MAPKBP1: variants seen among roughly 807,000 people sequenced by gnomAD.
The protein encoded by MAPKBP1 is mitogen-activated protein kinase-binding protein 1.
In MAPKBP1, 71 loss-of-function variants were observed where a neutral mutation model predicts 170.5. That is an observed-to-expected ratio of 0.42 (90% confidence interval 0.34 to 0.51). MAPKBP1 has a LOEUF of 0.51. MAPKBP1 is among the 20% of genes least tolerant of loss of function. The pLI is 0.06. For synonymous variants in MAPKBP1, 719 were observed against 757.9 expected (o/e 0.95, Z 0.84); for missense variants, 1,598 against 1,933.0 (o/e 0.83, Z 3.25).
chr15:41,811,003 C>A, intron 4 of MAPKBP1, 58 bp downstream of exon 4: 1 of 1,593,818 alleles, frequency 6.3e-7, no homozygotes, highest in Non-Finnish European at 8.6e-7. Flanking sequence ...GAGAAGGGCA[C>A]TGTCTAGAGT....
chr15:41,818,661 T>C lies in MAPKBP1; in HGVS notation c.2156+79T>C. The C allele has an allele frequency of 6.6e-7, 1 of 1,514,552 alleles. No homozygotes were observed. The highest frequency in any genetic ancestry group is 2.3e-5 in the East Asian group (1 of 43,804). The allele number at this position is 1,514,552 out of a possible 1,614,324, so 93.8% of individuals were successfully genotyped here. On this transcript the variant is annotated intron_variant, in intron 19 of 30. Transcript: ENST00000457542. The surrounding 1 kb of genome is among the most constrained non-coding windows in gnomAD (Gnocchi z 5.2). ...CTGCCCTCCCCTCTCTCCATTTCAG[T>C]GATGTCTCTGGGAAGTGGGGTTAAC... is the stretch of plus-strand genomic sequence containing the variant.
chr15:41,807,759 T>G (rs979219456), intron 3 of MAPKBP1, among the ~76,000 whole-genome samples: 1 of 152,158 alleles, frequency 6.6e-6, no homozygotes, highest in African/African-American at 2.4e-5. Context: ...TAAATTTGGC[T>G]GGGCACAGTG....
intron 2 of MAPKBP1, among the ~76,000 whole-genome samples, chr15:41,775,714 A>G (rs1281316020): frequency 6.6e-6 from 1 of 152,252 alleles, no homozygotes; most frequent in African/African-American, 2.4e-5. Flanking sequence ...AGAGGACAGT[A>G]GGAACACATA....
chr15:41,818,128 G>C lies in MAPKBP1; in HGVS notation c.1980+44G>C. ...TACTGGACAGGGGCTCGGGGACAGAGTGGTGCTGGGTGGGAGGGACTGGTA... is the reference window on the plus strand; with the variant it reads ...TACTGGACAGGGGCTCGGGGACAGACTGGTGCTGGGTGGGAGGGACTGGTA... On this transcript the variant is annotated intron_variant, in intron 17 of 30. Coordinates refer to ENST00000457542, the MANE Select transcript of MAPKBP1 (RefSeq NM_014994.3). This position sits in a 1 kb window ranked among gnomAD's most constrained non-coding sequence, Gnocchi z 5.2. 6.2e-7 allele frequency: 1 copy of C among 1,610,782 alleles called. No homozygotes were observed. The highest frequency in any genetic ancestry group is 8.5e-7 in the Non-Finnish European group (1 of 1,176,974).
At chr15:41,785,027 A>G (rs1207602174) in intron 2 of MAPKBP1, among the ~76,000 whole-genome samples, 5 of 152,088 alleles carry the variant, frequency 3.3e-5, no homozygotes, top group African/African-American at 7.2e-5. Context: ...TCCCAGGGCC[A>G]TTGTGAGATT....
chr15:41,786,578 C>T (rs751972529), intron 2 of MAPKBP1, among the ~76,000 whole-genome samples: 1 of 150,952 alleles, frequency 6.6e-6, no homozygotes, highest in Non-Finnish European at 1.5e-5. Context: ...TTGTGGCTAA[C>T]ACGGTGAAAC....
chr15:41,779,331 C>T (rs1345235307), intron 2 of MAPKBP1, among the ~76,000 whole-genome samples: 1 of 152,182 alleles, frequency 6.6e-6, no homozygotes. Context: ...CTGCCTCAGC[C>T]TCCTGAGTAG....
intron 2 of MAPKBP1, among the ~76,000 whole-genome samples, chr15:41,796,106 G>A (rs149469857): frequency 3.4e-4 from 52 of 152,324 alleles, no homozygotes; most frequent in Admixed American, 1.4e-3. Context: ...GAAGATTTGT[G>A]AGCCTTTGCT....
Position 41,813,829 on chromosome 15 carries a change from C to T in MAPKBP1, c.980+48C>T. The T allele has an allele frequency of 2.6e-6, 4 of 1,528,456 alleles. No homozygotes were observed. In the South Asian group the frequency reaches 5.2e-5, roughly 20 times the overall value. The allele number at this position is 1,528,456 out of a possible 1,614,324, so 94.7% of individuals were successfully genotyped here. On this transcript the variant is annotated intron_variant, in intron 9 of 30. Transcript: ENST00000457542. ...CCTCCATTTGTAGCCTTACCCCTGC[C>T]CAGTCTTTCTTGTCAGTGCCTCAGG... is the stretch of plus-strand genomic sequence containing the variant.
intron 22 of MAPKBP1, 76 bp downstream of exon 22, chr15:41,819,726 C>G: frequency 6.9e-7 from 1 of 1,455,722 alleles, no homozygotes; most frequent in Non-Finnish European, 9.4e-7. Context: ...GCTCTCTGGG[C>G]CTGGTAGGGT....
In MAPKBP1 at chr15:41,819,114, T is replaced by C; in HGVS notation, c.2292-132T>C. 2.1e-6 allele frequency: 3 copies of C among 1,432,120 alleles called. No homozygotes were observed. In the Admixed American group the frequency reaches 5.7e-5, roughly 27 times the overall value. The allele number at this position is 1,432,120 out of a possible 1,614,324, so 88.7% of individuals were successfully genotyped here. On this transcript the variant is annotated intron_variant, in intron 20 of 30. Coordinates refer to ENST00000457542, the MANE Select transcript of MAPKBP1 (RefSeq NM_014994.3). ...ATCCATGATGTCAGCCTCTTCCCCC[T>C]GTTGAGTCTCCTCTCCCCCTATTGA...
At position 41,826,560 on chromosome 15, in the gene MAPKBP1, T is replaced by G. The variant is rs1346983872; in HGVS notation, c.*1124T>G. 2 of 152,056 alleles carry G rather than the reference T, an allele frequency of 1.3e-5. No individual in the cohort carries two copies. Among genetic ancestry groups the G allele is most frequent in the South Asian group, 4.2e-4 (2 of 4,796 alleles). The allele number at this position is 152,056 out of a possible 1,614,324, so 9.4% of individuals were successfully genotyped here. On this transcript the variant is annotated 3_prime_UTR_variant, in exon 31 of 31. Coordinates refer to ENST00000457542, the MANE Select transcript of MAPKBP1 (RefSeq NM_014994.3). ...CAGAAAAGGGGTGCAGTACACTAAG[T>G]GAACCCAGATTCTGGATTCTTGGTG... is the stretch of plus-strand genomic sequence containing the variant.
intron 24 of MAPKBP1, 79 bp downstream of exon 24, chr15:41,821,829 GC>G (rs2065003186): frequency 6.3e-7 from 1 of 1,590,344 alleles, no homozygotes; most frequent in African/African-American, 1.3e-5. Context: ...GGGAGGGTTG[GC>G]CCCCAGGATA....
In MAPKBP1 at chr15:41,825,513, T is replaced by C. The variant is rs1431403040; in HGVS notation, c.*77T>C. 6 of 1,325,510 alleles carry C rather than the reference T, an allele frequency of 4.5e-6. No individual in the cohort carries two copies. The highest frequency in any genetic ancestry group is 6.2e-6 in the Non-Finnish European group (6 of 971,884). The allele number at this position is 1,325,510 out of a possible 1,614,324, so 82.1% of individuals were successfully genotyped here. A position where few individuals can be genotyped will look rare whatever the true frequency, so the allele number is the denominator to read the frequency against. On this transcript the variant is annotated 3_prime_UTR_variant, in exon 31 of 31. Coordinates refer to ENST00000457542, the MANE Select transcript of MAPKBP1 (RefSeq NM_014994.3). ...AGCCCCTCTGCCCCTCACCAAAACC[T>C]GCGGGGCTGCTTGGAGTGGAAAGCA...
At chr15:41,795,433 G>T (rs1476301104) in intron 2 of MAPKBP1, among the ~76,000 whole-genome samples, 1 of 152,002 alleles carries the variant, frequency 6.6e-6, no homozygotes, top group East Asian at 1.9e-4. Flanking sequence ...GAAGGGGAGG[G>T]TGTAGGAAAT....
intron 3 of MAPKBP1, among the ~76,000 whole-genome samples, chr15:41,802,999 T>G (rs1455129151): frequency 6.6e-6 from 1 of 152,166 alleles, no homozygotes; most frequent in Non-Finnish European, 1.5e-5. Context: ...AAAATGTTAT[T>G]ATGTGACGTA....
At chr15:41,798,966 G>A (rs1422515339) in intron 2 of MAPKBP1, among the ~76,000 whole-genome samples, 1 of 152,190 alleles carries the variant, frequency 6.6e-6, no homozygotes, top group Non-Finnish European at 1.5e-5. Flanking sequence ...AGGATGACAT[G>A]GAGTGACAGC....
Position 41,799,907 on chromosome 15 carries a change from C to A in MAPKBP1, c.199C>A (p.Pro67Thr). ...CDPRSGLVAY[P>T]AGCVVVLFNP... ...CCCCCGATCAGGTTTAGTTGCTTAC[C>A]CAGCAGGGTAAGTAAGCGCCTTGGA... The change falls in exon 3 of 31, where the codon CCA (proline) becomes ACA (threonine). Residue 67 changes from proline (P) to threonine (T), a missense_variant. This residue lies in a region of MAPKBP1 where 151 missense variants were observed against 191.4 expected (regional missense o/e 0.79). Transcript: ENST00000457542. 1 of 1,614,082 alleles carries A rather than the reference C, an allele frequency of 6.2e-7. No individual in the cohort carries two copies. The highest frequency in any genetic ancestry group is 8.5e-7 in the Non-Finnish European group (1 of 1,179,968).
At chr15:41,779,364 C>T (rs111707068) in intron 2 of MAPKBP1, among the ~76,000 whole-genome samples, 18,246 of 152,114 alleles carry the variant, frequency 0.12, 1,466 homozygotes, top group Middle Eastern at 0.2. Context: ...GCGCGTGCCA[C>T]CACGCCGGGC....
Sources: allele counts gnomAD v4.1 joint callset (sites outside exome capture counted in the v4.1 genomes callset), GRCh38; gene constraint gnomAD v4.1.1; regional missense constraint gnomAD v4.1.1; non-coding constraint Gnocchi (gnomAD v3.1); transcripts MANE v1.5; gene names NCBI Gene and HGNC (gene_info 2026-07-23, HGNC 2026-07-21).